B3GALT1: variants seen among roughly 807,000 people sequenced by gnomAD.
The protein encoded by B3GALT1 is UDP-Gal:betaGlcNAc beta 1,3-galactosyltransferase, polypeptide 1.
Under a neutral mutation model 23.2 loss-of-function variants are expected in B3GALT1, and 10 were observed. That is an observed-to-expected ratio of 0.43 (90% CI 0.27 to 0.73). The LOEUF (loss-of-function observed/expected upper bound fraction) is 0.73. Among genes scored for constraint, B3GALT1 ranks in the 30% least tolerant of loss-of-function variants. The pLI is 0.21. For synonymous variants in B3GALT1, 156 were observed against 141.5 expected, an observed-to-expected ratio of 1.10 and a Z score of -0.73; for missense variants, 299 against 405.4, an observed-to-expected ratio of 0.74 and a Z score of 2.25.
At chr2:167,845,825 G>A (rs1689746790) in intron 4 of B3GALT1, among the ~76,000 whole-genome samples, 1 of 151,574 alleles carries the variant, frequency 6.6e-6, no homozygotes, top group Admixed American at 6.6e-5. Flanking sequence ...ACCAGAGAAA[G>A]GCAAAGCTCA....
intron 1 of B3GALT1, among the ~76,000 whole-genome samples, chr2:167,458,479 T>C (rs762773547): frequency 3.5e-4 from 54 of 152,168 alleles, no homozygotes; most frequent in Non-Finnish European, 7.4e-4. Context: ...TACCCAGAAG[T>C]GGAGTTGCTG....
At chr2:167,681,841 T>A (rs2029084) in intron 3 of B3GALT1, among the ~76,000 whole-genome samples, 1 of 152,046 alleles carries the variant, frequency 6.6e-6, no homozygotes, top group Non-Finnish European at 1.5e-5. Flanking sequence ...ACACAAAGCC[T>A]TTGTCAGTAG....
At chr2:167,789,409 C>T (rs1414084280) in intron 3 of B3GALT1, among the ~76,000 whole-genome samples, 1 of 152,140 alleles carries the variant, frequency 6.6e-6, no homozygotes, top group Non-Finnish European at 1.5e-5. Context: ...TTGGCTTTCT[C>T]ACCAACAACA....
intron 2 of B3GALT1, among the ~76,000 whole-genome samples, chr2:167,559,891 A>G (rs572343940): frequency 3.0e-4 from 46 of 152,358 alleles, no homozygotes; most frequent in South Asian, 1.0e-3. Context: ...GCAGGATGTT[A>G]TCCAGGAGAA....
chr2:167,857,934 C>A (rs1315557879), intron 4 of B3GALT1, among the ~76,000 whole-genome samples: 1 of 152,028 alleles, frequency 6.6e-6, no homozygotes, highest in Non-Finnish European at 1.5e-5. Flanking sequence ...TTCATTACAA[C>A]CTTGACAAGC....
chr2:167,392,517 G>A (rs1340881073), intron 1 of B3GALT1, among the ~76,000 whole-genome samples: 3 of 152,124 alleles, frequency 2.0e-5, no homozygotes, highest in East Asian at 3.9e-4. Flanking sequence ...GACTGTCCAT[G>A]CTAGGAAAGG....
chr2:167,348,490 G>A (rs1393233640), intron 1 of B3GALT1, among the ~76,000 whole-genome samples: 1 of 152,118 alleles, frequency 6.6e-6, no homozygotes, highest in Non-Finnish European at 1.5e-5. Context: ...CCAGAAAATT[G>A]AAGTAATTGA....
chr2:167,544,676 G>T (rs555112592), intron 2 of B3GALT1, among the ~76,000 whole-genome samples: 3 of 152,150 alleles, frequency 2.0e-5, no homozygotes, highest in Non-Finnish European at 4.4e-5. Context: ...TACATGAAGA[G>T]CACCCAAAGA....
intron 1 of B3GALT1, among the ~76,000 whole-genome samples, chr2:167,437,460 G>C (rs973122893): frequency 1.3e-5 from 2 of 152,178 alleles, no homozygotes; most frequent in African/African-American, 4.8e-5. Flanking sequence ...AATTTGGAGG[G>C]TGGGGTAGAA....
intron 1 of B3GALT1, among the ~76,000 whole-genome samples, chr2:167,472,585 A>G (rs888422377): frequency 2.0e-5 from 3 of 152,112 alleles, no homozygotes; most frequent in African/African-American, 7.2e-5. Flanking sequence ...ATCACAACCT[A>G]AAATATTCTA....
At chr2:167,516,388 A>C (rs1238155599) in intron 2 of B3GALT1, among the ~76,000 whole-genome samples, 1 of 151,998 alleles carries the variant, frequency 6.6e-6, no homozygotes, top group East Asian at 1.9e-4. Flanking sequence ...TGTTTTGCTT[A>C]AGTTTTTTAT....
chr2:167,462,026 T>C (rs1001851660), intron 1 of B3GALT1, among the ~76,000 whole-genome samples: 1 of 152,178 alleles, frequency 6.6e-6, no homozygotes, highest in Non-Finnish European at 1.5e-5. Flanking sequence ...TCATAGCAGA[T>C]GTCAAGCTAC....
chr2:167,800,752 G>A (rs1688626230), intron 3 of B3GALT1, among the ~76,000 whole-genome samples: 1 of 152,174 alleles, frequency 6.6e-6, no homozygotes, highest in African/African-American at 2.4e-5. Flanking sequence ...CCTTGTCTCT[G>A]TCAGTGACTC....
chr2:167,441,342 G>A (rs1330558808), intron 1 of B3GALT1, among the ~76,000 whole-genome samples: 1 of 152,162 alleles, frequency 6.6e-6, no homozygotes, highest in Non-Finnish European at 1.5e-5. Flanking sequence ...GAAAGCAGAG[G>A]AGTTAAACAG....
chr2:167,870,089 C>A lies in B3GALT1; in HGVS notation c.*69C>A, dbSNP rs1690313224. On this transcript the variant is annotated 3_prime_UTR_variant, in exon 5 of 5. Transcript: ENST00000392690. Reference sequence around the variant, plus strand: ...ATGGGACCTAAGGTGTTGGTATTTTCCAGGTGTCGGGGGAAATGAACTGGT... The same window carrying A: ...ATGGGACCTAAGGTGTTGGTATTTTACAGGTGTCGGGGGAAATGAACTGGT... 2.1e-6 allele frequency: 3 copies of A among 1,449,272 alleles called. No homozygotes were observed. Among genetic ancestry groups the A allele is most frequent in the Non-Finnish European group, 2.8e-6 (3 of 1,084,920 alleles). 89.8% of individuals were successfully genotyped at this position (1,449,272 alleles called of 1,614,324 possible).
At chr2:167,859,099 A>G (rs1366420054) in intron 4 of B3GALT1, among the ~76,000 whole-genome samples, 1 of 152,106 alleles carries the variant, frequency 6.6e-6, no homozygotes, top group Non-Finnish European at 1.5e-5. Context: ...CTTTCCTCTC[A>G]TCCTCTTTCA....
At chr2:167,674,099 A>G (rs1206174548) in intron 3 of B3GALT1, among the ~76,000 whole-genome samples, 4 of 152,148 alleles carry the variant, frequency 2.6e-5, no homozygotes, top group Admixed American at 2.0e-4. Flanking sequence ...ATGAACTAGT[A>G]GTTACCAGAA....
chr2:167,764,521 G>A (rs765431918), intron 3 of B3GALT1, among the ~76,000 whole-genome samples: 4 of 152,064 alleles, frequency 2.6e-5, no homozygotes, highest in Non-Finnish European at 5.9e-5. Flanking sequence ...AATTAGATTG[G>A]CATCAGTACA....
Position 167,762,947 on chromosome 2 carries a change from G to A in B3GALT1, c.-351-55725G>A, listed in dbSNP as rs796905925. Among the ~76,000 whole-genome samples, 8 of 152,286 alleles carry A rather than the reference G, an allele frequency of 5.3e-5. No homozygotes were observed. In the South Asian group the frequency reaches 1.7e-3, roughly 32 times the overall value. On this transcript the variant is annotated intron_variant, in intron 3 of 4. Coordinates refer to ENST00000392690, the MANE Select transcript of B3GALT1 (RefSeq NM_020981.4). The stretch of plus-strand genomic sequence containing the variant: ...AGAATTCTGTTAGATTTGTGATTCT[G>A]AAACAGTTACCATTATTCTTGCCCA...
Sources: allele counts gnomAD v4.1 joint callset (sites outside exome capture counted in the v4.1 genomes callset), GRCh38; gene constraint gnomAD v4.1.1; transcripts MANE v1.5; gene names NCBI Gene and HGNC (gene_info 2026-07-23, HGNC 2026-07-21).